The following VAT1L variants were observed in gnomAD, a reference collection of about 807,000 sequenced individuals.
VAT1L encodes putative NADPH-dependent quinone oxidoreductase VAT1L.
Under a neutral mutation model 44.1 loss-of-function variants are expected in VAT1L, and 34 were observed. That is an observed-to-expected ratio of 0.77 (90% CI 0.59 to 1.03). VAT1L has a LOEUF of 1.03. Ranked by LOEUF, VAT1L falls within the 50% of genes least tolerant of loss-of-function variation. The probability of loss-of-function intolerance (pLI) is 0.00; values close to 1 mark genes in which losing one functional copy is unlikely to be tolerated. For synonymous variants in VAT1L, 253 were observed against 202.2 expected, an observed-to-expected ratio of 1.25 and a Z score of -2.13; for missense variants, 615 against 538.8, an observed-to-expected ratio of 1.14 and a Z score of -1.40.
intron 7 of VAT1L, among the ~76,000 whole-genome samples, chr16:77,897,557 G>A (rs1268748544): frequency 6.6e-6 from 1 of 152,154 alleles, no homozygotes; most frequent in Non-Finnish European, 1.5e-5. Context: ...TGCAACCTCT[G>A]CCTCCCAGGT....
intron 1 of VAT1L, among the ~76,000 whole-genome samples, chr16:77,812,708 C>T (rs553697537): frequency 1.4e-4 from 22 of 152,282 alleles, no homozygotes; most frequent in African/African-American, 5.1e-4. Flanking sequence ...GAACTGTCCC[C>T]CAATTTTCCT....
At position 77,876,412 on chromosome 16, in the gene VAT1L, T is replaced by C. The variant is rs369204911; in HGVS notation, c.765T>C (p.Cys255=). Residue 255 remains cysteine (C), a synonymous_variant, in exon 5 of 9, where the codon TGT becomes TGC. Transcript: ENST00000302536. ...TGGACATCGTTTTGGATTGCCTCTG[T>C]GGGGACAACACTGGAAAAGGTCTCA... ...EGVDIVLDCL[C]GDNTGKGLSL... is the part of the protein sequence containing the mutation. The C allele has an allele frequency of 4.8e-4, 775 of 1,614,200 alleles. 9 individuals carry two copies. In the South Asian group the frequency reaches 8.0e-3, roughly 17 times the overall value.
At chr16:77,826,671 G>C (rs2016526890) in intron 3 of VAT1L, among the ~76,000 whole-genome samples, 1 of 152,138 alleles carries the variant, frequency 6.6e-6, no homozygotes, top group Admixed American at 6.5e-5. Context: ...TACATGGCAA[G>C]CACTATGTCT....
At chr16:77,834,970 G>A (rs549914547) in intron 3 of VAT1L, among the ~76,000 whole-genome samples, 1 of 152,258 alleles carries the variant, frequency 6.6e-6, no homozygotes, top group Admixed American at 6.5e-5. Flanking sequence ...ACTAAACATA[G>A]GACCAGGCAT....
At chr16:77,833,877 T>C (rs1422265840) in intron 3 of VAT1L, among the ~76,000 whole-genome samples, 1 of 152,124 alleles carries the variant, frequency 6.6e-6, no homozygotes, top group Non-Finnish European at 1.5e-5. Context: ...GGGTAGGCCT[T>C]CATACAAAGA....
chr16:77,802,621 C>CACACACACACACACACACACACAA (rs1567468323), intron 1 of VAT1L, among the ~76,000 whole-genome samples: 4 of 24,460 alleles, frequency 1.6e-4, no homozygotes, highest in Non-Finnish European at 3.2e-4. Context: ...CTCAAACACA[C>CACACACACACACACACACACACAA]ACACACACAC....
At chr16:77,951,140 CA>C (rs1470480084) in intron 7 of VAT1L, among the ~76,000 whole-genome samples, 13 of 152,200 alleles carry the variant, frequency 8.5e-5, no homozygotes, top group Admixed American at 2.6e-4. Flanking sequence ...ACTGGCTGTT[CA>C]AAATCCGTAA....
rs80174667 is a variant in VAT1L, at chr16:77,829,992, C to T, written c.579+4531C>T. Among the ~76,000 whole-genome samples, 259 of 152,196 alleles carry T rather than the reference C, an allele frequency of 1.7e-3. 1 individual carries two copies. The highest frequency in any genetic ancestry group is 6.2e-3 in the African/African-American group (256 of 41,540). ...AAGTGAACCTAGGTGCCAGCATGTGCCCCGGCTTCCTGACCCCATTTGATG... is the reference window on the plus strand; with the variant it reads ...AAGTGAACCTAGGTGCCAGCATGTGTCCCGGCTTCCTGACCCCATTTGATG... On this transcript the variant is annotated intron_variant, in intron 3 of 8. Coordinates refer to ENST00000302536, the MANE Select transcript of VAT1L (RefSeq NM_020927.3).
chr16:77,915,797 G>C (rs144481780), intron 7 of VAT1L, among the ~76,000 whole-genome samples: 254 of 152,338 alleles, frequency 1.7e-3, no homozygotes, highest in African/African-American at 5.7e-3. Context: ...CCCTGAGACA[G>C]AGAATCATAT....
At chr16:77,946,274 T>C (rs1426721252) in intron 7 of VAT1L, among the ~76,000 whole-genome samples, 5 of 110,054 alleles carry the variant, frequency 4.5e-5, no homozygotes, top group Non-Finnish European at 7.2e-5. Context: ...TCTAGGTTAC[T>C]TGTTCTTTTT....
chr16:77,910,005 G>C (rs2017481827), intron 7 of VAT1L, among the ~76,000 whole-genome samples: 1 of 152,202 alleles, frequency 6.6e-6, no homozygotes, highest in Non-Finnish European at 1.5e-5. Context: ...AATTGCTAGA[G>C]AGGGCAGTTT....
intron 2 of VAT1L, among the ~76,000 whole-genome samples, chr16:77,824,733 G>A (rs961301903): frequency 4.8e-5 from 7 of 145,646 alleles, no homozygotes; most frequent in African/African-American, 1.8e-4. Context: ...TCCAGCCTGG[G>A]TGACAGAGCG....
chr16:77,977,583 C>G lies in VAT1L; in HGVS notation c.1162-14C>G, dbSNP rs749368925. On this transcript the variant is annotated splice_polypyrimidine_tract_variant and intron_variant, in intron 8 of 8. Coordinates refer to ENST00000302536, the MANE Select transcript of VAT1L (RefSeq NM_020927.3). ...GTTGCACAACCCTCAATAACATCCTCTTTTGAATTACAGATGGCCAATGAC... is the reference window on the plus strand; with the variant it reads ...GTTGCACAACCCTCAATAACATCCTGTTTTGAATTACAGATGGCCAATGAC... 8.7e-6 allele frequency: 14 copies of G among 1,613,322 alleles called. No homozygotes were observed. Among genetic ancestry groups the G allele is most frequent in the African/African-American group, 8.0e-5 (6 of 74,912 alleles).
At chr16:77,908,789 C>T (rs929852601) in intron 7 of VAT1L, among the ~76,000 whole-genome samples, 1 of 152,104 alleles carries the variant, frequency 6.6e-6, no homozygotes, top group Admixed American at 6.5e-5. Flanking sequence ...TGGCAGGCAC[C>T]TGCAGTCCCA....
chr16:77,966,778 G>A (rs1394854071), intron 7 of VAT1L, among the ~76,000 whole-genome samples: 1 of 152,080 alleles, frequency 6.6e-6, no homozygotes, highest in Non-Finnish European at 1.5e-5. Context: ...AGTCTGGTGT[G>A]AATTTTACAC....
At chr16:77,939,704 G>C (rs2017854154) in intron 7 of VAT1L, among the ~76,000 whole-genome samples, 1 of 152,140 alleles carries the variant, frequency 6.6e-6, no homozygotes, top group East Asian at 1.9e-4. Context: ...ATAGACAGTA[G>C]TGACTTGAAG....
rs377533454 is a variant in VAT1L, at chr16:77,825,437, C to T, written c.555C>T (p.Leu185=). The T allele has an allele frequency of 4.4e-6, 7 of 1,599,282 alleles. No homozygotes were observed. Among genetic ancestry groups the T allele is most frequent in the African/African-American group, 4.0e-5 (3 of 74,780 alleles). The change falls in exon 3 of 9, where the codon CTC becomes CTT. Residue 185 remains leucine (L), a synonymous_variant. Coordinates refer to ENST00000302536, the MANE Select transcript of VAT1L (RefSeq NM_020927.3). The stretch of plus-strand genomic sequence containing the variant: ...ACCTCCGGGAAGGGATGTCTGTGCT[C>T]GTGCACTCAGCTGGTGGGGGCGTGG... ...VANLREGMSV[L]VHSAGGGVGQ...
chr16:77,952,931 T>G lies in VAT1L; in HGVS notation c.1078-18919T>G, dbSNP rs375733204. Among the ~76,000 whole-genome samples the G allele has an allele frequency of 1.2e-4, 18 of 151,490 alleles. 1 individual carries two copies. The highest frequency in any genetic ancestry group is 1.0e-4 in the Non-Finnish European group (7 of 67,886). ...GTCCCCCTAAATCCATGTTTCTCCC[T>G]GAACCTCAGAATGTGACTTTATTTG... On this transcript the variant is annotated intron_variant, in intron 7 of 8. Transcript: ENST00000302536.
At chr16:77,937,441 G>A (rs1408527677) in intron 7 of VAT1L, among the ~76,000 whole-genome samples, 1 of 152,222 alleles carries the variant, frequency 6.6e-6, no homozygotes, top group Non-Finnish European at 1.5e-5. Context: ...TAAAGAAAGA[G>A]GAGAGAAACA....
Sources: allele counts gnomAD v4.1 joint callset (sites outside exome capture counted in the v4.1 genomes callset), GRCh38; gene constraint gnomAD v4.1.1; transcripts MANE v1.5; gene names NCBI Gene and HGNC (gene_info 2026-07-23, HGNC 2026-07-21).